The following APBA2 variants were observed in gnomAD, a reference collection of about 807,000 sequenced individuals.
APBA2 encodes amyloid-beta A4 precursor protein-binding family A member 2.
Under a neutral mutation model 75.0 loss-of-function variants are expected in APBA2, and 30 were observed. The ratio of observed to expected loss-of-function variants is 0.40; its 90% CI spans 0.30 to 0.54. The LOEUF is 0.54. APBA2 is among the 20% of genes least tolerant of loss of function. The pLI, the probability that APBA2 is intolerant of heterozygous loss-of-function variation, is 0.49. For missense variants in APBA2, 801 were observed against 1,016.1 expected (o/e 0.79, Z 2.88); for synonymous variants, 444 against 409.6 (o/e 1.08, Z -1.01).
At chr15:28,921,462 G>A (rs1426538399) in intron 1 of APBA2, among the ~76,000 whole-genome samples, 178 bp from the exon 2 acceptor site, 2 of 152,184 alleles carry the variant, frequency 1.3e-5, no homozygotes, top group Admixed American at 1.3e-4. Flanking sequence ...ATATTCAGCT[G>A]CTCTGGAGAG....
Position 29,015,092 on chromosome 15 carries a change from A to G in APBA2, c.-41+19286A>G, listed in dbSNP as rs558334276. Among the ~76,000 whole-genome samples, 9 of 152,144 alleles carry G rather than the reference A, an allele frequency of 5.9e-5. No individual in the cohort carries two copies. The South Asian group carries it at 1.9e-3, about 32-fold the overall frequency. ...GATATTCTAGGATTTGTGCCTGAAG[A>G]ATAGCGCTTTCTGTCTTGCTGATGT... On this transcript the variant is annotated intron_variant, in intron 3 of 14. Transcript: ENST00000683413.
intron 2 of APBA2, among the ~76,000 whole-genome samples, chr15:28,923,380 C>G (rs531919318): frequency 6.6e-6 from 1 of 152,250 alleles, no homozygotes; most frequent in African/African-American, 2.4e-5. Flanking sequence ...GATTTCCCTC[C>G]TGAGAGCTGC....
intron 2 of APBA2, among the ~76,000 whole-genome samples, chr15:28,979,576 C>T (rs2037515128): frequency 6.6e-6 from 1 of 152,174 alleles, no homozygotes; most frequent in Non-Finnish European, 1.5e-5. Context: ...CCTGTCAGTT[C>T]CTCCCCATTT....
In APBA2 at chr15:28,991,282, C is replaced by A. The variant is rs559269497; in HGVS notation, c.-94-4471C>A. 6.6e-5 allele frequency among the ~76,000 whole-genome samples: 10 copies of A among 152,336 alleles called. No homozygotes were observed. The South Asian group carries it at 2.1e-3, about 32-fold the overall frequency. On this transcript the variant is annotated intron_variant, in intron 2 of 14. Transcript: ENST00000683413. This position sits in a 1 kb window ranked among gnomAD's most constrained non-coding sequence, Gnocchi z 4.7. ...TCCTGGTCTGGGGGCGCATCCATCC[C>A]CCATGTCCCCAGTCCCATCCTGGGT...
At chr15:29,021,354 C>T (rs1287281227) in intron 3 of APBA2, among the ~76,000 whole-genome samples, 1 of 152,092 alleles carries the variant, frequency 6.6e-6, no homozygotes, top group African/African-American at 2.4e-5. Flanking sequence ...ATGGTGAAAC[C>T]CCGTCTCTAC....
intron 2 of APBA2, among the ~76,000 whole-genome samples, chr15:28,983,901 CT>C: frequency 6.6e-6 from 1 of 152,218 alleles, no homozygotes; most frequent in Non-Finnish European, 1.5e-5. Context: ...GTCCCCACCC[CT>C]GGGCTTGAGT....
chr15:29,061,926 G>A (rs2042145817), intron 4 of APBA2, among the ~76,000 whole-genome samples: 1 of 152,246 alleles, frequency 6.6e-6, no homozygotes, highest in African/African-American at 2.4e-5. Context: ...CCCTCCATCA[G>A]CGTGTGGTGG....
intron 2 of APBA2, among the ~76,000 whole-genome samples, chr15:28,972,785 A>G (rs111624686): frequency 2.6e-5 from 4 of 152,204 alleles, no homozygotes; most frequent in Non-Finnish European, 5.9e-5. Context: ...TAATTTAAAA[A>G]CAATAATAAA....
intron 1 of APBA2, among the ~76,000 whole-genome samples, chr15:28,899,673 C>T (rs908989583): frequency 3.9e-5 from 6 of 152,164 alleles, no homozygotes; most frequent in South Asian, 2.1e-4. Context: ...ACTGGACACG[C>T]GTGCAGGCCT....
chr15:28,907,358 T>C (rs1595431438), intron 1 of APBA2, among the ~76,000 whole-genome samples: 3 of 152,242 alleles, frequency 2.0e-5, no homozygotes, highest in Admixed American at 2.0e-4. Flanking sequence ...TGTGCCGATA[T>C]CTACCGTACA....
At chr15:29,052,186 C>A (rs964715515) in intron 3 of APBA2, among the ~76,000 whole-genome samples, 1 of 151,964 alleles carries the variant, frequency 6.6e-6, no homozygotes, top group Non-Finnish European at 1.5e-5. Context: ...CTGGGCGTGG[C>A]GGCTCACCCC....
At chr15:28,980,398 A>G (rs1268138542) in intron 2 of APBA2, among the ~76,000 whole-genome samples, 1 of 152,248 alleles carries the variant, frequency 6.6e-6, no homozygotes, top group Non-Finnish European at 1.5e-5. Context: ...AAGATACAAC[A>G]TCAATGTAGA....
At chr15:29,055,038 C>G (rs2041818461) in intron 4 of APBA2, among the ~76,000 whole-genome samples, 1 of 152,204 alleles carries the variant, frequency 6.6e-6, no homozygotes, top group Non-Finnish European at 1.5e-5. Flanking sequence ...ACCGCTCAGA[C>G]TCAGGACTAA....
chr15:29,098,976 G>GGGC (rs112097867), intron 9 of APBA2, among the ~76,000 whole-genome samples: 3,984 of 152,178 alleles, frequency 0.026, 130 homozygotes, highest in African/African-American at 0.073. Flanking sequence ...ACGGGCACAG[G>GGGC]GGCGCCCTTC....
At chr15:29,014,195 C>G (rs1250831215) in intron 3 of APBA2, among the ~76,000 whole-genome samples, 1 of 152,218 alleles carries the variant, frequency 6.6e-6, no homozygotes, top group African/African-American at 2.4e-5. Context: ...TTCCATCTCA[C>G]TTCGCTGCAT....
At chr15:29,042,397 T>A (rs1217164472) in intron 3 of APBA2, among the ~76,000 whole-genome samples, 1 of 152,056 alleles carries the variant, frequency 6.6e-6, no homozygotes, top group Non-Finnish European at 1.5e-5. Flanking sequence ...CTCAGCCTCC[T>A]GAGTAGCTGG....
intron 3 of APBA2, among the ~76,000 whole-genome samples, chr15:29,047,043 A>G (rs1595824723): frequency 6.6e-6 from 1 of 152,202 alleles, no homozygotes; most frequent in African/African-American, 2.4e-5. Context: ...CTGCAGGCAC[A>G]TACTGTCATT....
intron 1 of APBA2, among the ~76,000 whole-genome samples, chr15:28,898,491 A>G (rs778935544): frequency 9.2e-5 from 14 of 152,140 alleles, no homozygotes; most frequent in Non-Finnish European, 1.9e-4. Context: ...TAGAGTGTGT[A>G]ATGCATGATT....
intron 6 of APBA2, among the ~76,000 whole-genome samples, chr15:29,092,246 G>T (rs1184396248): frequency 1.3e-5 from 2 of 152,144 alleles, no homozygotes; most frequent in Non-Finnish European, 2.9e-5. Context: ...TACAGGAAAG[G>T]TTTGCCCACC....
Sources: gnomAD v4.1 joint callset for allele counts (sites outside exome capture counted in the v4.1 genomes callset) on GRCh38, gnomAD v4.1.1 for gene constraint, Gnocchi (gnomAD v3.1) non-coding constraint, MANE v1.5 for transcripts, NCBI Gene and HGNC (gene_info 2026-07-23, HGNC 2026-07-21) for gene names.